The following TMEM161A variants were observed in gnomAD, a reference collection of about 807,000 sequenced individuals.
TMEM161A encodes the protein transmembrane protein 161A.
TMEM161A carries 46 observed loss-of-function variants against 57.1 expected under a neutral mutation model. The ratio of observed to expected loss-of-function variants is 0.81; its 90% CI spans 0.64 to 1.03. The LOEUF (loss-of-function observed/expected upper bound fraction) is 1.03. Ranked by LOEUF, TMEM161A falls within the 50% of genes least tolerant of loss-of-function variation. The probability of loss-of-function intolerance (pLI) is 0.00; values close to 1 mark genes in which losing one functional copy is unlikely to be tolerated. For synonymous variants in TMEM161A, 288 were observed against 279.0 expected (o/e 1.03, Z -0.32); for missense variants, 601 against 621.5 (o/e 0.97, Z 0.35).
At chr19:19,135,441 C>A (rs2059980982) in intron 1 of TMEM161A, among the ~76,000 whole-genome samples, 1 of 152,226 alleles carries the variant, frequency 6.6e-6, no homozygotes, top group Non-Finnish European at 1.5e-5. Flanking sequence ...CATCACCCTC[C>A]TCCCTCTTCT....
At chr19:19,130,944 C>T (rs755934269) in intron 5 of TMEM161A, among the ~76,000 whole-genome samples, 1 of 151,794 alleles carries the variant, frequency 6.6e-6, no homozygotes, top group East Asian at 1.9e-4. Context: ...ACAGGCCAGG[C>T]GCAGTGGCTC....
Position 19,119,976 on chromosome 19 carries a change from G to T in TMEM161A, c.1394C>A (p.Ala465Asp). 1 of 1,570,754 alleles carries T rather than the reference G, an allele frequency of 6.4e-7. No homozygotes were observed. Among genetic ancestry groups the T allele is most frequent in the Non-Finnish European group, 8.6e-7 (1 of 1,158,876 alleles). ...IWWTAACQLL[A>D]SLFGLYFHQH... is the part of the protein sequence containing the mutation. ...GTGGAAGTAGAGGCCGAAAAGGCTG[G>T]CGAGCAGCTGGCAGGCAGCCGTCCA... The change falls in exon 12 of 12, where the codon GCC becomes GAC. Residue 465 changes from alanine to aspartate, a missense_variant. Ala to Asp is a moderately radical substitution (Grantham distance 126, BLOSUM62 -2). Transcript: ENST00000162044.
At chr19:19,129,916 G>GA (rs1174796473) in intron 6 of TMEM161A, among the ~76,000 whole-genome samples, 15 of 149,434 alleles carry the variant, frequency 1.0e-4, no homozygotes, top group Admixed American at 1.3e-4. Context: ...AAAAAAAAAA[G>GA]AAAAAAAAAG....
At chr19:19,125,093 T>C (rs930567885) in intron 6 of TMEM161A, among the ~76,000 whole-genome samples, 5 of 151,892 alleles carry the variant, frequency 3.3e-5, no homozygotes, top group Non-Finnish European at 5.9e-5. Context: ...AACTGAGAAA[T>C]TGGAAACAAG....
At chr19:19,138,325 C>T in intron 1 of TMEM161A, 101 bp downstream of exon 1, 1 of 1,519,156 alleles carries the variant, frequency 6.6e-7, no homozygotes, top group East Asian at 2.5e-5. Context: ...GCCTCCAATC[C>T]CCAAGAAGAA....
At position 19,121,722 on chromosome 19, in the gene TMEM161A, C is replaced by A. The variant is rs757238007; in HGVS notation, c.656+37G>T. On this transcript the variant is annotated intron_variant, in intron 7 of 11. Transcript: ENST00000162044. This position sits in a 1 kb window ranked among gnomAD's most constrained non-coding sequence, Gnocchi z 5.8. ...CTGGGGGACCCTGGGAGGGTCCCAG[C>A]CTGCCCTTGCCTCCCTCCCCCATTC... The A allele has an allele frequency of 6.2e-7, 1 of 1,613,498 alleles. No homozygotes were observed. Among genetic ancestry groups the A allele is most frequent in the Non-Finnish European group, 8.5e-7 (1 of 1,179,588 alleles).
chr19:19,120,895 A>C, intron 10 of TMEM161A, 34 bp from the exon 11 acceptor site: 1 of 1,612,204 alleles, frequency 6.2e-7, no homozygotes, highest in Non-Finnish European at 8.5e-7. Flanking sequence ...CTGCAGCAGG[A>C]GGCCTTCTGG....
chr19:19,120,356 C>G (rs533170374), intron 11 of TMEM161A, among the ~76,000 whole-genome samples, 173 bp from the exon 12 acceptor site: 2 of 151,988 alleles, frequency 1.3e-5, no homozygotes, highest in African/African-American at 4.8e-5. Context: ...CAAGGCAAAC[C>G]CTACCCCAGG....
At chr19:19,120,671 T>TCC (rs1034084903) in intron 11 of TMEM161A, 94 bp downstream of exon 11, 8 of 835,562 alleles carry the variant, frequency 9.6e-6, no homozygotes, top group African/African-American at 1.8e-5. Context: ...GCCCCGCCTC[T>TCC]CCCCCCCCAC....
rs1302161001 is a variant in TMEM161A, at chr19:19,121,508, C to T, written c.800+17G>A. On this transcript the variant is annotated intron_variant, in intron 8 of 11. Transcript: ENST00000162044. The surrounding 1 kb of genome is among the most constrained non-coding windows in gnomAD (Gnocchi z 5.8). ...TAAGCTCCCTAGTCCCCCCACCCAC[C>T]AAGCGACCCACTTAACTGCAGCATG... is the stretch of plus-strand genomic sequence containing the variant. 3 of 1,613,504 alleles carry T rather than the reference C, an allele frequency of 1.9e-6. No individual in the cohort carries two copies. The highest frequency in any genetic ancestry group is 2.5e-6 in the Non-Finnish European group (3 of 1,179,568).
chr19:19,123,858 G>A (rs920264854), intron 6 of TMEM161A, among the ~76,000 whole-genome samples: 7 of 152,086 alleles, frequency 4.6e-5, no homozygotes, highest in African/African-American at 1.4e-4. Flanking sequence ...TCAGGAGTTC[G>A]AGACGAGCCT....
chr19:19,136,238 G>A (rs1424654416), intron 1 of TMEM161A, among the ~76,000 whole-genome samples: 3 of 152,040 alleles, frequency 2.0e-5, no homozygotes, highest in Non-Finnish European at 2.9e-5. Context: ...TCATCAAAAT[G>A]AAATAAAGTT....
At chr19:19,133,287 G>A (rs2059968361) in intron 2 of TMEM161A, 77 bp from the exon 3 acceptor site, 1 of 1,366,464 alleles carries the variant, frequency 7.3e-7, no homozygotes, top group Non-Finnish European at 1.0e-6. Flanking sequence ...CAAATCCAGG[G>A]ATTCTAGTTA....
At chr19:19,130,066 G>A (rs545113050) in intron 6 of TMEM161A, 90 bp downstream of exon 6, 77 of 1,489,910 alleles carry the variant, frequency 5.2e-5, no homozygotes, top group African/African-American at 5.1e-4. Flanking sequence ...TTGCCTACTC[G>A]TGCTGGACAC....
At chr19:19,122,605 C>A (rs1172868480) in intron 6 of TMEM161A, among the ~76,000 whole-genome samples, 1 of 151,890 alleles carries the variant, frequency 6.6e-6, no homozygotes, top group Non-Finnish European at 1.5e-5. Flanking sequence ...ATGGCAAAAC[C>A]CCCATCTCTA....
At chr19:19,120,286 C>T in intron 11 of TMEM161A, 103 bp from the exon 12 acceptor site, 1 of 1,043,518 alleles carries the variant, frequency 9.6e-7, no homozygotes, top group Non-Finnish European at 1.4e-6. Flanking sequence ...GACACTCCCA[C>T]CCCTGTCTCA....
At chr19:19,126,156 C>T (rs1220086821) in intron 6 of TMEM161A, among the ~76,000 whole-genome samples, 1 of 85,382 alleles carries the variant, frequency 1.2e-5, no homozygotes, top group Admixed American at 1.3e-4. Context: ...AAGAGCGAGA[C>T]TCTGTCTCAA....
chr19:19,136,339 C>A (rs955442918), intron 1 of TMEM161A, among the ~76,000 whole-genome samples: 29 of 152,042 alleles, frequency 1.9e-4, no homozygotes, highest in Admixed American at 1.3e-4. Flanking sequence ...GTGATGGGTA[C>A]CGGGCCTAGC....
chr19:19,134,953 A>C, intron 1 of TMEM161A, 66 bp from the exon 2 acceptor site: 1 of 1,204,194 alleles, frequency 8.3e-7, no homozygotes, highest in Middle Eastern at 2.2e-4. Context: ...CTCCCTAGGA[A>C]CCCAGGCTAT....
Sources: allele counts gnomAD v4.1 joint callset (sites outside exome capture counted in the v4.1 genomes callset), GRCh38; gene constraint gnomAD v4.1.1; non-coding constraint Gnocchi (gnomAD v3.1); transcripts MANE v1.5; gene names NCBI Gene and HGNC (gene_info 2026-07-23, HGNC 2026-07-21).